The following LDB2 variants were observed in gnomAD, a reference collection of about 807,000 sequenced individuals.
The protein encoded by LDB2 is LIM domain-binding protein 2.
LDB2 carries 12 observed loss-of-function variants against 44.3 expected under a neutral mutation model. The observed-to-expected ratio is 0.27, with a 90% CI of 0.17 to 0.44. The LOEUF (loss-of-function observed/expected upper bound fraction) is 0.44. Ranked by LOEUF, LDB2 falls within the 20% of genes least tolerant of loss-of-function variation. The probability of loss-of-function intolerance (pLI) is 1.00; values close to 1 mark genes in which losing one functional copy is unlikely to be tolerated. For missense variants in LDB2, 344 were observed against 473.5 expected (o/e 0.73, Z 2.54); for synonymous variants, 164 against 174.8 (o/e 0.94, Z 0.49).
At chr4:16,588,513 A>G (rs924081117) in intron 4 of LDB2, among the ~76,000 whole-genome samples, 197 bp downstream of exon 4, 27 of 152,206 alleles carry the variant, frequency 1.8e-4, no homozygotes, top group African/African-American at 6.5e-4. Flanking sequence ...CAATGTACCA[A>G]TCTTGGAAAC....
chr4:16,828,321 T>G (rs903244788), intron 1 of LDB2, among the ~76,000 whole-genome samples: 2 of 152,240 alleles, frequency 1.3e-5, no homozygotes, highest in African/African-American at 4.8e-5. Flanking sequence ...GGATGGACTC[T>G]GTTTTTTCTC....
At chr4:16,744,269 G>A (rs539291487) in intron 2 of LDB2, among the ~76,000 whole-genome samples, 1 of 151,926 alleles carries the variant, frequency 6.6e-6, no homozygotes, top group East Asian at 1.9e-4. Context: ...TGATTCTCGT[G>A]CCTCAGCCTC....
chr4:16,545,797 T>C (rs1281896690), intron 5 of LDB2, among the ~76,000 whole-genome samples: 5 of 152,354 alleles, frequency 3.3e-5, no homozygotes, highest in African/African-American at 1.2e-4. Flanking sequence ...CCAGCCATCT[T>C]TACGCAAGAA....
chr4:16,666,222 C>T (rs1321276716), intron 2 of LDB2, among the ~76,000 whole-genome samples: 3 of 152,212 alleles, frequency 2.0e-5, no homozygotes, highest in Admixed American at 2.0e-4. Flanking sequence ...ACAGGACAAG[C>T]TCGCACTGCT....
intron 1 of LDB2, among the ~76,000 whole-genome samples, chr4:16,829,440 C>T (rs547051900): frequency 1.3e-5 from 2 of 152,098 alleles, no homozygotes; most frequent in Non-Finnish European, 2.9e-5. Flanking sequence ...TTTGAAAACA[C>T]AATTTATTTT....
intron 2 of LDB2, among the ~76,000 whole-genome samples, chr4:16,728,367 AAGAAAT>A (rs1312271176): frequency 6.6e-6 from 1 of 152,124 alleles, no homozygotes; most frequent in Non-Finnish European, 1.5e-5. Context: ...AGTAAAGTGA[AAGAAAT>A]AGAAATAGAG....
At chr4:16,668,434 C>G (rs952144768) in intron 2 of LDB2, among the ~76,000 whole-genome samples, 1 of 152,216 alleles carries the variant, frequency 6.6e-6, no homozygotes, top group Non-Finnish European at 1.5e-5. Context: ...TCAAATCCTG[C>G]TGTCTCCCAA....
chr4:16,708,970 G>A (rs113078113), intron 2 of LDB2, among the ~76,000 whole-genome samples: 2,247 of 152,198 alleles, frequency 0.015, 33 homozygotes, highest in Non-Finnish European at 0.022. Context: ...CACTTTGGAT[G>A]CAGAAGGTGT....
At chr4:16,635,141 G>T in intron 2 of LDB2, among the ~76,000 whole-genome samples, 1 of 152,236 alleles carries the variant, frequency 6.6e-6, no homozygotes. Flanking sequence ...CGGCCTGTCA[G>T]GGGGTGGGGA....
At position 16,848,051 on chromosome 4, in the gene LDB2, C is replaced by T. The variant is rs550743605; in HGVS notation, c.132+50303G>A. On this transcript the variant is annotated intron_variant, in intron 1 of 7. Coordinates refer to ENST00000304523, the MANE Select transcript of LDB2 (RefSeq NM_001290.5). ...AGTACTGAGAAAAATAAGCCAAATA[C>T]TTAACTGTCAGGGTCTTTGATGAAT... 6.6e-5 allele frequency among the ~76,000 whole-genome samples: 10 copies of T among 152,218 alleles called. No individual in the cohort carries two copies. In the East Asian group the frequency reaches 1.9e-3, roughly 29 times the overall value.
At chr4:16,720,002 T>G (rs1207947177) in intron 2 of LDB2, among the ~76,000 whole-genome samples, 1 of 152,144 alleles carries the variant, frequency 6.6e-6, no homozygotes, top group Non-Finnish European at 1.5e-5. Context: ...AATATTTATC[T>G]TCCTTTAATT....
At chr4:16,759,393 GA>G in intron 1 of LDB2, 133 bp from the exon 2 acceptor site, 1 of 650,426 alleles carries the variant, frequency 1.5e-6, no homozygotes, top group Non-Finnish European at 2.7e-6. Context: ...GGTGTTCTAG[GA>G]AAGGGTAGGT....
rs948216719 is a variant in LDB2 at position 16,561,226 on chromosome 4, G to A, written c.615+24696C>T. ...TTGGAAGTTCTGGCCAGGGCAATTAGGCAGGAGAAGGAAATAAAGGGCATT... is the reference window on the plus strand; with the variant it reads ...TTGGAAGTTCTGGCCAGGGCAATTAAGCAGGAGAAGGAAATAAAGGGCATT... On this transcript the variant is annotated intron_variant, in intron 5 of 7. Transcript: ENST00000304523. Among the ~76,000 whole-genome samples the A allele has an allele frequency of 3.9e-4, 60 of 152,204 alleles. 1 individual carries two copies. The highest frequency in any genetic ancestry group is 2.9e-3 in the Admixed American group (45 of 15,282).
intron 7 of LDB2, among the ~76,000 whole-genome samples, chr4:16,504,653 A>C (rs1718634070): frequency 6.6e-6 from 1 of 152,242 alleles, no homozygotes; most frequent in Non-Finnish European, 1.5e-5. Context: ...ACTGGCAGAA[A>C]GGATGACAGG....
intron 5 of LDB2, among the ~76,000 whole-genome samples, chr4:16,546,780 T>C (rs1260034667): frequency 6.6e-6 from 1 of 152,200 alleles, no homozygotes; most frequent in Non-Finnish European, 1.5e-5. Context: ...TATATAAAAC[T>C]CCTTCTTGGG....
rs182408108 is a variant in LDB2, at chr4:16,722,451, C to T, written c.235+36707G>A. Among the ~76,000 whole-genome samples the T allele has an allele frequency of 1.7e-3, 261 of 152,228 alleles. 1 individual carries two copies. Among genetic ancestry groups the T allele is most frequent in the Non-Finnish European group, 2.8e-4 (19 of 67,996 alleles). On this transcript the variant is annotated intron_variant, in intron 2 of 7. Coordinates refer to ENST00000304523, the MANE Select transcript of LDB2 (RefSeq NM_001290.5). The stretch of plus-strand genomic sequence containing the variant: ...TCAGGACCCTTTAGCTCCTTTTTTT[C>T]TGTGATTCTACAATATAGCAAAATA...
At chr4:16,658,680 G>T (rs565826148) in intron 2 of LDB2, among the ~76,000 whole-genome samples, 2 of 152,256 alleles carry the variant, frequency 1.3e-5, no homozygotes, top group Admixed American at 1.3e-4. Context: ...TGGCCCACAG[G>T]GTGGTCCGAT....
intron 1 of LDB2, among the ~76,000 whole-genome samples, chr4:16,791,931 T>G (rs527601150): frequency 1.3e-5 from 2 of 152,314 alleles, no homozygotes; most frequent in Non-Finnish European, 2.9e-5. Flanking sequence ...GGGGAAAGCT[T>G]GAAGCTCCAA....
At chr4:16,564,998 A>G (rs900976841) in intron 5 of LDB2, among the ~76,000 whole-genome samples, 2 of 152,258 alleles carry the variant, frequency 1.3e-5, no homozygotes, top group East Asian at 3.8e-4. Context: ...CTCCTTTACA[A>G]TTACAAGAAA....
Sources: gnomAD v4.1 joint callset for allele counts (sites outside exome capture counted in the v4.1 genomes callset) on GRCh38, gnomAD v4.1.1 for gene constraint, MANE v1.5 for transcripts, NCBI Gene and HGNC (gene_info 2026-07-23, HGNC 2026-07-21) for gene names.